CELSR1: variants seen among roughly 807,000 people sequenced by gnomAD.
CELSR1 encodes the protein adhesion G protein-coupled receptor C1.
In CELSR1, 110 loss-of-function variants were observed where a neutral mutation model predicts 249.1. The observed-to-expected ratio is 0.44, with a 90% CI of 0.38 to 0.52. The LOEUF (loss-of-function observed/expected upper bound fraction) is 0.52, where lower values mean the gene tolerates loss of function less well. CELSR1 is among the 20% of genes least tolerant of loss of function. The pLI is 0.00. For missense variants in CELSR1, 4,109 were observed against 4,296.4 expected, an observed-to-expected ratio of 0.96 and a Z score of 1.22; for synonymous variants, 2,113 against 1,900.0, an observed-to-expected ratio of 1.11 and a Z score of -2.92.
rs2079208511 is a variant in CELSR1 at position 46,401,300 on chromosome 22, T to C, written c.5227-1398A>G. Among the ~76,000 whole-genome samples, 1 of 152,194 alleles carries C rather than the reference T, an allele frequency of 6.6e-6. No individual in the cohort carries two copies. Among genetic ancestry groups the C allele is most frequent in the African/African-American group, 2.4e-5 (1 of 41,436 alleles). On this transcript the variant is annotated intron_variant, in intron 9 of 34. Coordinates refer to ENST00000674500, the MANE Select transcript of CELSR1 (RefSeq NM_001378328.1). The surrounding 1 kb of genome is among the most constrained non-coding windows in gnomAD (Gnocchi z 4.7). ...CCAAGGGCAGCGTGAAAATCTTAGA[T>C]CTCCTAAGAAAGGACTTGGCAATTT...
Position 46,536,854 on chromosome 22 carries a change from C to A in CELSR1, c.317G>T (p.Arg106Leu). The A allele has an allele frequency of 1.6e-6, 2 of 1,232,238 alleles. No individual in the cohort carries two copies. The highest frequency in any genetic ancestry group is 1.0e-6 in the Non-Finnish European group (1 of 983,238). The allele number at this position is 1,232,238 out of a possible 1,614,324, so 76.3% of individuals were successfully genotyped here. Residue 106 changes from arginine (R) to leucine (L), a missense_variant, in exon 1 of 35, where the codon CGG (arginine) becomes CTG (leucine). Arg to Leu is a moderately radical substitution (Grantham distance 102). Around this residue, in one of 7 missense-constraint regions of CELSR1, gnomAD observed 673 missense variants for 636.8 expected, o/e 1.06. Transcript: ENST00000674500. ...SAPTALSRRLRARTHLPGCGA... is the reference protein window; with the variant it reads ...SAPTALSRRLLARTHLPGCGA... ...GCAGCCGGGAAGGTGCGTGCGCGCC[C>A]GCAGGCGGCGGCTCAGCGCCGTCGG...
At position 46,441,017 on chromosome 22, in the gene CELSR1, G is replaced by C. The variant is rs1267891284; in HGVS notation, c.4184-1606C>G. Among the ~76,000 whole-genome samples, 1 of 152,066 alleles carries C rather than the reference G, an allele frequency of 6.6e-6. No individual in the cohort carries two copies. The highest frequency in any genetic ancestry group is 2.1e-4 in the South Asian group (1 of 4,826). On this transcript the variant is annotated intron_variant, in intron 2 of 34. Coordinates refer to ENST00000674500, the MANE Select transcript of CELSR1 (RefSeq NM_001378328.1). This position sits in a 1 kb window ranked among gnomAD's most constrained non-coding sequence, Gnocchi z 6.1. ...AAAATACAAAAATTAGCCAGGCGTG[G>C]TGGCGGGTGCCTGTAATCCCATCTA... is the stretch of plus-strand genomic sequence containing the variant.
At chr22:46,400,486 A>T (rs1216032421) in intron 9 of CELSR1, among the ~76,000 whole-genome samples, 1 of 151,974 alleles carries the variant, frequency 6.6e-6, no homozygotes, top group Non-Finnish European at 1.5e-5. Context: ...AAAATACTGA[A>T]ATTAGCCAGG....
chr22:46,488,634 G>A lies in CELSR1; in HGVS notation c.3545-24289C>T, dbSNP rs544694465. 4.6e-5 allele frequency among the ~76,000 whole-genome samples: 7 copies of A among 151,174 alleles called. No homozygotes were observed. Among genetic ancestry groups the A allele is most frequent in the African/African-American group, 1.7e-4 (7 of 41,148 alleles). ...CAGAAGCAGCAGTTTCTACGGCACA[G>A]CAGTGACCACTCCCGTGCCACAGCC... On this transcript the variant is annotated intron_variant, in intron 1 of 34. Transcript: ENST00000674500. The surrounding 1 kb of genome is among the most constrained non-coding windows in gnomAD (Gnocchi z 4.7).
intron 1 of CELSR1, among the ~76,000 whole-genome samples, chr22:46,508,450 T>C (rs1056882493): frequency 0.033 from 331 of 9,958 alleles, 3 homozygotes; most frequent in African/African-American, 0.11. Context: ...CCCCCGCCCC[T>C]TGCTGTCCCC....
rs777482938 is a variant in CELSR1 at position 46,439,352 on chromosome 22, C to T, written c.4243G>A (p.Gly1415Arg). ...ATGAGCAGGTTCACGCAGGTGCCCCCGTTCTTGCACACCCCGTTGGCACAG... is the reference window on the plus strand; with the variant it reads ...ATGAGCAGGTTCACGCAGGTGCCCCTGTTCTTGCACACCCCGTTGGCACAG... ...GRCANGVCKN[G>R]GTCVNLLIGG... is the part of the protein sequence containing the mutation. The change falls in exon 3 of 35, where the codon GGG becomes AGG. Residue 1415 changes from glycine to arginine, a missense_variant. Gly to Arg is a moderately radical substitution (Grantham distance 125). Coordinates refer to ENST00000674500, the MANE Select transcript of CELSR1 (RefSeq NM_001378328.1). The T allele has an allele frequency of 2.0e-5, 33 of 1,613,934 alleles. No individual in the cohort carries two copies. Among genetic ancestry groups the T allele is most frequent in the African/African-American group, 4.0e-5 (3 of 74,932 alleles).
rs894011718 is a variant in CELSR1 at position 46,433,788 on chromosome 22, G to A, written c.4523-307C>T. On this transcript the variant is annotated intron_variant, in intron 4 of 34. Transcript: ENST00000674500. This position sits in a 1 kb window ranked among gnomAD's most constrained non-coding sequence, Gnocchi z 5.7. ...CCACCTCCGCCTCCTGGGTTCAAGA[G>A]ATTCTCCTGCCTCAGCCTCCTGAGT... is the stretch of plus-strand genomic sequence containing the variant. 6.6e-6 allele frequency among the ~76,000 whole-genome samples: 1 copy of A among 152,150 alleles called. No individual in the cohort carries two copies. The highest frequency in any genetic ancestry group is 1.5e-5 in the Non-Finnish European group (1 of 68,026).
chr22:46,384,535 G>A lies in CELSR1; in HGVS notation c.6883+8C>T, dbSNP rs191917734. The A allele has an allele frequency of 2.4e-4, 376 of 1,594,876 alleles. No individual in the cohort carries two copies. The African/African-American group carries it at 3.5e-3, about 15-fold the overall frequency. On this transcript the variant is annotated splice_region_variant and intron_variant, in intron 20 of 34. Coordinates refer to ENST00000674500, the MANE Select transcript of CELSR1 (RefSeq NM_001378328.1). Reference sequence around the variant, plus strand: ...CGAGGGCAGCAGCAGGTTTCTAAGCGGTTTTACCTTTTTCTTCAGGTGGTC... The same window carrying A: ...CGAGGGCAGCAGCAGGTTTCTAAGCAGTTTTACCTTTTTCTTCAGGTGGTC...
At position 46,362,690 on chromosome 22, in the gene CELSR1, T is replaced by C. The variant is rs779728793; in HGVS notation, c.*533A>G. On this transcript the variant is annotated 3_prime_UTR_variant, in exon 35 of 35. Transcript: ENST00000674500. ...ATATACAGGTTGCACCTCCTCAGAG[T>C]CCCATACAAATATATAAAAGTATCT... 35 of 164,324 alleles carry C rather than the reference T, an allele frequency of 2.1e-4. No homozygotes were observed. Among genetic ancestry groups the C allele is most frequent in the South Asian group, 6.9e-4 (4 of 5,808 alleles). 10.2% of individuals were successfully genotyped at this position (164,324 alleles called of 1,614,324 possible).
intron 2 of CELSR1, chr22:46,462,911 C>T (rs747777207): frequency 2.1e-5 from 10 of 468,082 alleles, no homozygotes; most frequent in South Asian, 1.4e-4. Flanking sequence ...GGATGAGTCA[C>T]GAAATTTCTA....
intron 2 of CELSR1, among the ~76,000 whole-genome samples, chr22:46,459,871 C>A (rs1339307770): frequency 6.6e-6 from 1 of 152,020 alleles, no homozygotes; most frequent in African/African-American, 2.4e-5. Context: ...CGTGTAGAAT[C>A]ATCTAGAGCA....
intron 5 of CELSR1, among the ~76,000 whole-genome samples, chr22:46,426,751 G>A (rs1316124938): frequency 6.6e-6 from 1 of 152,258 alleles, no homozygotes; most frequent in East Asian, 1.9e-4. Flanking sequence ...ATGGGATAAG[G>A]GCCTCAATAA....
At position 46,448,642 on chromosome 22, in the gene CELSR1, T is replaced by G. The variant is rs2079847832; in HGVS notation, c.4184-9231A>C. On this transcript the variant is annotated intron_variant, in intron 2 of 34. Transcript: ENST00000674500. The surrounding 1 kb of genome is among the most constrained non-coding windows in gnomAD (Gnocchi z 5.7). ...TAAAACTCAAGCACTTGATGAAGGCTTAGTTTATGCAGAATTAACGATCAA... is the reference window on the plus strand; with the variant it reads ...TAAAACTCAAGCACTTGATGAAGGCGTAGTTTATGCAGAATTAACGATCAA... The G allele has an allele frequency of 5.2e-6, 2 of 387,580 alleles. No individual in the cohort carries two copies. Among genetic ancestry groups the G allele is most frequent in the Non-Finnish European group, 1.0e-5 (2 of 195,768 alleles). The allele number at this position is 387,580 out of a possible 1,614,324, so 24.0% of individuals were successfully genotyped here. A position where few individuals can be genotyped will look rare whatever the true frequency, so the allele number is the denominator to read the frequency against.
At chr22:46,382,979 G>A (rs1490682033) in intron 20 of CELSR1, among the ~76,000 whole-genome samples, 1 of 152,224 alleles carries the variant, frequency 6.6e-6, no homozygotes, top group Non-Finnish European at 1.5e-5. Flanking sequence ...GAATGTATCT[G>A]ATGCAGTTTG....
Position 46,518,380 on chromosome 22 carries a change from C to A in CELSR1, c.3544+15247G>T, listed in dbSNP as rs12484501. 0.15 allele frequency among the ~76,000 whole-genome samples: 23,238 copies of A among 152,256 alleles called. 1,824 individuals carry two copies. Among genetic ancestry groups the A allele is most frequent in the South Asian group, 0.24 (1,158 of 4,826 alleles). On this transcript the variant is annotated intron_variant, in intron 1 of 34. Coordinates refer to ENST00000674500, the MANE Select transcript of CELSR1 (RefSeq NM_001378328.1). The surrounding 1 kb of genome is among the most constrained non-coding windows in gnomAD (Gnocchi z 5.2). ...GTTAGAGGAGAACGAAGGGAGTGGG[C>A]TCCCACAGACCACATTGCACTGCGA...
At position 46,526,187 on chromosome 22, in the gene CELSR1, C is replaced by G. The variant is rs1371949589; in HGVS notation, c.3544+7440G>C. Among the ~76,000 whole-genome samples the G allele has an allele frequency of 3.3e-5, 5 of 152,202 alleles. No homozygotes were observed. Among genetic ancestry groups the G allele is most frequent in the Non-Finnish European group, 5.9e-5 (4 of 68,028 alleles). On this transcript the variant is annotated intron_variant, in intron 1 of 34. Coordinates refer to ENST00000674500, the MANE Select transcript of CELSR1 (RefSeq NM_001378328.1). The surrounding 1 kb of genome is among the most constrained non-coding windows in gnomAD (Gnocchi z 4.7). ...CGTCCGCCTCCTGCTCCTCCATTCCCTCCAGGTCTGATGACTCAGAGAGAG... is the reference window on the plus strand; with the variant it reads ...CGTCCGCCTCCTGCTCCTCCATTCCGTCCAGGTCTGATGACTCAGAGAGAG...
At chr22:46,403,971 CAAAAAAAAAAAAA>C (rs756055741) in intron 9 of CELSR1, among the ~76,000 whole-genome samples, 1 of 48,426 alleles carries the variant, frequency 2.1e-5, no homozygotes, top group Non-Finnish European at 4.7e-5. Context: ...AACTCCGTCT[CAAAAAAAAAAAAA>C]AAAAAAGAAA....
Position 46,458,183 on chromosome 22 carries a change from G to A in CELSR1, c.4183+5524C>T, listed in dbSNP as rs541684168. Reference sequence around the variant, plus strand: ...GTGCGCTGGAGGGGCAAGCACCACGGTGAGAGAGGCCAGTGTGTGTCCCGA... The same window carrying A: ...GTGCGCTGGAGGGGCAAGCACCACGATGAGAGAGGCCAGTGTGTGTCCCGA... On this transcript the variant is annotated intron_variant, in intron 2 of 34. Coordinates refer to ENST00000674500, the MANE Select transcript of CELSR1 (RefSeq NM_001378328.1). Among the ~76,000 whole-genome samples the A allele has an allele frequency of 2.6e-5, 4 of 152,278 alleles. No individual in the cohort carries two copies. In the East Asian group the frequency reaches 7.7e-4, roughly 29 times the overall value.
intron 32 of CELSR1, 61 bp from the exon 33 acceptor site, chr22:46,364,797 G>A: frequency 1.3e-6 from 2 of 1,512,208 alleles, no homozygotes; most frequent in South Asian, 1.2e-5. Context: ...GCTCCCTTGA[G>A]AGCCATGGGT....
Sources: gnomAD v4.1 joint callset for allele counts (sites outside exome capture counted in the v4.1 genomes callset) on GRCh38, gnomAD v4.1.1 for gene constraint, gnomAD v4.1.1 regional missense constraint, Gnocchi (gnomAD v3.1) non-coding constraint, MANE v1.5 for transcripts, NCBI Gene and HGNC (gene_info 2026-07-23, HGNC 2026-07-21) for gene names.